The following RPTOR variants were observed in gnomAD, a reference collection of about 807,000 sequenced individuals.
RPTOR encodes the protein regulatory-associated protein of mTOR.
Under a neutral mutation model 169.9 loss-of-function variants are expected in RPTOR, and 21 were observed. The ratio of observed to expected loss-of-function variants is 0.12; its 90% CI spans 0.09 to 0.18. The LOEUF (loss-of-function observed/expected upper bound fraction) is 0.18. Among genes scored for constraint, RPTOR ranks in the 10% least tolerant of loss-of-function variants. The pLI is 1.00. For synonymous variants in RPTOR, 732 were observed against 753.2 expected, an observed-to-expected ratio of 0.97 and a Z score of 0.46; for missense variants, 1,133 against 1,855.9, an observed-to-expected ratio of 0.61 and a Z score of 7.16.
intron 6 of RPTOR, among the ~76,000 whole-genome samples, chr17:80,772,845 G>C (rs745430743): frequency 6.6e-6 from 1 of 151,928 alleles, no homozygotes; most frequent in Non-Finnish European, 1.5e-5. Flanking sequence ...TATCCTCATC[G>C]TGTAAGTGAA....
intron 5 of RPTOR, among the ~76,000 whole-genome samples, chr17:80,739,931 AAAT>A (rs1179917379): frequency 1.3e-5 from 2 of 152,160 alleles, no homozygotes; most frequent in Non-Finnish European, 2.9e-5. Flanking sequence ...AGAAGAAAGG[AAAT>A]AATAACAGAA....
intron 5 of RPTOR, among the ~76,000 whole-genome samples, chr17:80,743,803 C>CCCTGGTTACTAGCACTGT (rs1567887343): frequency 8.4e-6 from 1 of 118,398 alleles, no homozygotes; most frequent in Non-Finnish European, 1.8e-5. Context: ...ACTAGCACAG[C>CCCTGGTTACTAGCACTGT]CCTGGCTACT....
chr17:80,925,665 G>A (rs754757378), intron 24 of RPTOR, among the ~76,000 whole-genome samples, 185 bp downstream of exon 24: 2 of 152,242 alleles, frequency 1.3e-5, no homozygotes, highest in African/African-American at 4.8e-5. Context: ...GTCGCCAAAC[G>A]AAAAGAGAAA....
intron 28 of RPTOR, among the ~76,000 whole-genome samples, chr17:80,953,184 G>A (rs2069204854): frequency 6.6e-6 from 1 of 152,168 alleles, no homozygotes; most frequent in African/African-American, 2.4e-5. Context: ...TCCAAGTTGT[G>A]CAGCCACCAC....
intron 26 of RPTOR, among the ~76,000 whole-genome samples, chr17:80,946,051 TC>T (rs1306603923): frequency 6.6e-6 from 1 of 152,106 alleles, no homozygotes; most frequent in Admixed American, 6.5e-5. Context: ...TGGCAGGGAC[TC>T]CCCAGTGACA....
At chr17:80,797,082 A>G (rs1345066001) in intron 7 of RPTOR, among the ~76,000 whole-genome samples, 1 of 152,130 alleles carries the variant, frequency 6.6e-6, no homozygotes, top group African/African-American at 2.4e-5. Context: ...TTCCCCAATT[A>G]TGTTTAAAGT....
intron 4 of RPTOR, among the ~76,000 whole-genome samples, chr17:80,724,819 G>A (rs546463187): frequency 1.2e-4 from 18 of 152,240 alleles, no homozygotes; most frequent in African/African-American, 2.4e-4. Context: ...AGAAGAAGCC[G>A]CCCCCACGAC....
At chr17:80,825,743 G>T (rs1834496308) in intron 9 of RPTOR, among the ~76,000 whole-genome samples, 1 of 152,216 alleles carries the variant, frequency 6.6e-6, no homozygotes, top group African/African-American at 2.4e-5. Flanking sequence ...CTCCTCTCCT[G>T]GTTCTGACCT....
chr17:80,869,030 G>A (rs1426306946), intron 13 of RPTOR, among the ~76,000 whole-genome samples: 3 of 152,150 alleles, frequency 2.0e-5, no homozygotes, highest in Non-Finnish European at 4.4e-5. Context: ...AGGTGTAGAC[G>A]TACGTCCAAA....
intron 3 of RPTOR, among the ~76,000 whole-genome samples, chr17:80,674,799 A>AC (rs1567851327): frequency 2.9e-4 from 14 of 47,930 alleles, no homozygotes; most frequent in African/African-American, 1.1e-3. Context: ...AAAAAAAAAA[A>AC]AAAAAAAAAA....
rs565749624 is a variant in RPTOR, at chr17:80,567,389, A to G, written c.162+21598A>G. Among the ~76,000 whole-genome samples, 60 of 152,214 alleles carry G rather than the reference A, an allele frequency of 3.9e-4. 1 individual carries two copies. Among genetic ancestry groups the G allele is most frequent in the African/African-American group, 1.4e-3 (57 of 41,534 alleles). On this transcript the variant is annotated intron_variant, in intron 1 of 33. Coordinates refer to ENST00000306801, the MANE Select transcript of RPTOR (RefSeq NM_020761.3). ...GATATTATGCCACTTCACATGTAAT[A>G]TAAGAACCTTATAGAAGAAGGGTGT...
intron 6 of RPTOR, among the ~76,000 whole-genome samples, chr17:80,783,985 C>CT (rs915245165): frequency 4.6e-4 from 69 of 151,564 alleles, no homozygotes; most frequent in African/African-American, 1.6e-3. Flanking sequence ...AAAAGGCATA[C>CT]TTTTTTTTTA....
intron 1 of RPTOR, among the ~76,000 whole-genome samples, chr17:80,578,608 G>C (rs767828141): frequency 6.6e-6 from 1 of 152,194 alleles, no homozygotes; most frequent in Non-Finnish European, 1.5e-5. Flanking sequence ...GATTTAGGTG[G>C]GGAACTGGTT....
At position 80,961,375 on chromosome 17, in the gene RPTOR, C is replaced by T. The variant is rs374427128; in HGVS notation, c.3606-19C>T. 3.9e-5 allele frequency: 60 copies of T among 1,542,798 alleles called. No individual in the cohort carries two copies. The highest frequency in any genetic ancestry group is 4.6e-5 in the Non-Finnish European group (53 of 1,144,722). ...TCCTTCAGGGAAGCCCCACGCTGAG[C>T]GTGCCCCCTCCCCTACAGCCGCGTC... is the stretch of plus-strand genomic sequence containing the variant. On this transcript the variant is annotated intron_variant, in intron 30 of 33. Coordinates refer to ENST00000306801, the MANE Select transcript of RPTOR (RefSeq NM_020761.3).
At chr17:80,612,141 T>A (rs2065275951) in intron 1 of RPTOR, among the ~76,000 whole-genome samples, 1 of 152,206 alleles carries the variant, frequency 6.6e-6, no homozygotes, top group African/African-American at 2.4e-5. Context: ...ATAGGCATCT[T>A]TTTTAAGGGA....
Position 80,721,555 on chromosome 17 carries a change from C to T in RPTOR, c.508-9005C>T, listed in dbSNP as rs1303484621. 6.6e-6 allele frequency among the ~76,000 whole-genome samples: 1 copy of T among 151,336 alleles called. No individual in the cohort carries two copies. The highest frequency in any genetic ancestry group is 1.9e-4 in the East Asian group (1 of 5,186). On this transcript the variant is annotated intron_variant, in intron 4 of 33. Coordinates refer to ENST00000306801, the MANE Select transcript of RPTOR (RefSeq NM_020761.3). This position sits in a 1 kb window ranked among gnomAD's most constrained non-coding sequence, Gnocchi z 4.7. ...GGGGCCGTCAGGGCGCTGCAGTTTG[C>T]AGGAGCATCCTTTGGGCTCTTACCT...
intron 5 of RPTOR, among the ~76,000 whole-genome samples, chr17:80,752,303 A>G (rs1442228108): frequency 6.6e-6 from 1 of 152,210 alleles, no homozygotes; most frequent in Non-Finnish European, 1.5e-5. Flanking sequence ...CCCAGGGCCC[A>G]TGGGGCCTCC....
intron 10 of RPTOR, among the ~76,000 whole-genome samples, chr17:80,840,614 C>T (rs201717623): frequency 2.8e-4 from 3 of 10,570 alleles, no homozygotes; most frequent in Admixed American, 5.1e-3. Context: ...TCACTCTCAC[C>T]ACACCACAGC....
intron 13 of RPTOR, among the ~76,000 whole-genome samples, chr17:80,863,311 C>T (rs1442141540): frequency 6.6e-6 from 1 of 152,110 alleles, no homozygotes; most frequent in African/African-American, 2.4e-5. Context: ...GCATCACTCC[C>T]CATGCCAGGT....
Sources: gnomAD v4.1 joint callset for allele counts (sites outside exome capture counted in the v4.1 genomes callset) on GRCh38, gnomAD v4.1.1 for gene constraint, Gnocchi (gnomAD v3.1) non-coding constraint, MANE v1.5 for transcripts, NCBI Gene and HGNC (gene_info 2026-07-23, HGNC 2026-07-21) for gene names.